The following ACOX3 variants were observed in gnomAD, a reference collection of about 807,000 sequenced individuals.
The protein encoded by ACOX3 is acyl-CoA oxidase 3, pristanoyl.
In ACOX3, 73 loss-of-function variants were observed where a neutral mutation model predicts 81.5. The observed-to-expected ratio is 0.90, with a 90% CI of 0.74 to 1.09. The LOEUF (loss-of-function observed/expected upper bound fraction) is 1.09. Ranked by LOEUF, ACOX3 falls within the 50% of genes least tolerant of loss-of-function variation. The pLI, the probability that ACOX3 is intolerant of heterozygous loss-of-function variation, is 0.00. For missense variants in ACOX3, 947 were observed against 928.0 expected (o/e 1.02, Z -0.27); for synonymous variants, 387 against 375.1 (o/e 1.03, Z -0.37).
chr4:8,417,040 C>T (rs1215011906), intron 1 of ACOX3, among the ~76,000 whole-genome samples: 2 of 152,272 alleles, frequency 1.3e-5, no homozygotes, highest in East Asian at 3.8e-4. Flanking sequence ...CAGCACAGAA[C>T]CTCTGATCAC....
rs574510015 is a variant in ACOX3 at position 8,386,544 on chromosome 4, C to T, written c.1537+2629G>A. 7.0e-5 allele frequency among the ~76,000 whole-genome samples: 10 copies of T among 142,894 alleles called. No homozygotes were observed. In the South Asian group the frequency reaches 8.8e-4, roughly 13 times the overall value. The allele number at this position is 142,894 out of a possible 152,430, so 93.7% of individuals were successfully genotyped here. Reference sequence around the variant, plus strand: ...TCATACCACTGCACTCCAGCCTGGGCGACAGAGCGAGACTCCGTCTCAAAA... The same window carrying T: ...TCATACCACTGCACTCCAGCCTGGGTGACAGAGCGAGACTCCGTCTCAAAA... On this transcript the variant is annotated intron_variant, in intron 13 of 17. Coordinates refer to ENST00000356406, the MANE Select transcript of ACOX3 (RefSeq NM_003501.3). This position sits in a 1 kb window ranked among gnomAD's most constrained non-coding sequence, Gnocchi z 5.2.
intron 1 of ACOX3, among the ~76,000 whole-genome samples, chr4:8,435,445 G>A (rs1724177202): frequency 6.6e-6 from 1 of 152,052 alleles, no homozygotes; most frequent in African/African-American, 2.4e-5. Flanking sequence ...GCAGTGAGTG[G>A]AGATTGTGCC....
Position 8,431,359 on chromosome 4 carries a change from C to T in ACOX3, c.-15+9289G>A, listed in dbSNP as rs111896869. Among the ~76,000 whole-genome samples, 6 of 152,338 alleles carry T rather than the reference C, an allele frequency of 3.9e-5. 1 individual carries two copies. Among genetic ancestry groups the T allele is most frequent in the African/African-American group, 1.4e-4 (6 of 41,578 alleles). The stretch of plus-strand genomic sequence containing the variant: ...TGACCGTGGCTTCACCTCGGGGCCA[C>T]CTTCTGGCATTTGCCTGCTCACGCT... On this transcript the variant is annotated intron_variant, in intron 1 of 17. Transcript: ENST00000356406. The surrounding 1 kb of genome is among the most constrained non-coding windows in gnomAD (Gnocchi z 5.3).
At chr4:8,415,485 C>T (rs1443472094) in intron 3 of ACOX3, among the ~76,000 whole-genome samples, 4 of 149,692 alleles carry the variant, frequency 2.7e-5, no homozygotes, top group Admixed American at 6.6e-5. Context: ...AACAGCTCCT[C>T]TTCTGATGGG....
In ACOX3 at chr4:8,400,076, G is replaced by T. The variant is rs987104387; in HGVS notation, c.777-424C>A. Among the ~76,000 whole-genome samples the T allele has an allele frequency of 6.6e-6, 1 of 152,104 alleles. No individual in the cohort carries two copies. The highest frequency in any genetic ancestry group is 2.1e-4 in the South Asian group (1 of 4,808). On this transcript the variant is annotated intron_variant, in intron 7 of 17. Transcript: ENST00000356406. The surrounding 1 kb of genome is among the most constrained non-coding windows in gnomAD (Gnocchi z 4.4). ...AGCCTGACCAATATGGTGAAACCCC[G>T]TCTCTACTAAAAATACAAAAAAAAA...
In ACOX3 at chr4:8,384,113, G is replaced by A. The variant is rs539319044; in HGVS notation, c.1538-2506C>T. Among the ~76,000 whole-genome samples, 11 of 152,316 alleles carry A rather than the reference G, an allele frequency of 7.2e-5. No homozygotes were observed. Among genetic ancestry groups the A allele is most frequent in the African/African-American group, 1.9e-4 (8 of 41,574 alleles). On this transcript the variant is annotated intron_variant, in intron 13 of 17. Coordinates refer to ENST00000356406, the MANE Select transcript of ACOX3 (RefSeq NM_003501.3). The surrounding 1 kb of genome is among the most constrained non-coding windows in gnomAD (Gnocchi z 5.3). ...GGCAGTTACCCGAGTTTTCCAATCTGTCTCTGCAACCAGAATTAATCCATG... is the reference window on the plus strand; with the variant it reads ...GGCAGTTACCCGAGTTTTCCAATCTATCTCTGCAACCAGAATTAATCCATG...
chr4:8,416,585 A>C lies in ACOX3; in HGVS notation c.-14-50T>G, dbSNP rs546359464. On this transcript the variant is annotated intron_variant, in intron 1 of 17. Coordinates refer to ENST00000356406, the MANE Select transcript of ACOX3 (RefSeq NM_003501.3). The surrounding 1 kb of genome is among the most constrained non-coding windows in gnomAD (Gnocchi z 4.2). The stretch of plus-strand genomic sequence containing the variant: ...CCATGCTCTCCCATCTATGGGTTCA[A>C]ACTACCCCCACCAACAGGAGAGCCC... 11 of 1,502,764 alleles carry C rather than the reference A, an allele frequency of 7.3e-6. No individual in the cohort carries two copies. In the African/African-American group the frequency reaches 1.5e-4, roughly 21 times the overall value. The allele number at this position is 1,502,764 out of a possible 1,614,324, so 93.1% of individuals were successfully genotyped here.
At chr4:8,393,502 C>CAAACAAAA (rs1272020952) in intron 10 of ACOX3, among the ~76,000 whole-genome samples, 1 of 149,872 alleles carries the variant, frequency 6.7e-6, no homozygotes, top group African/African-American at 2.5e-5. Context: ...AACAAACAAA[C>CAAACAAAA]AAACAAACAA....
chr4:8,390,002 C>G (rs1222498507), intron 11 of ACOX3, among the ~76,000 whole-genome samples: 2 of 151,648 alleles, frequency 1.3e-5, no homozygotes, highest in African/African-American at 4.9e-5. Context: ...ACTCGGGAGG[C>G]TGAGGCAGGA....
chr4:8,367,479 G>A (rs767183363), intron 17 of ACOX3, among the ~76,000 whole-genome samples: 9 of 151,438 alleles, frequency 5.9e-5, no homozygotes, highest in Non-Finnish European at 1.2e-4. Context: ...GCAAAACTCC[G>A]TCTCAAAACA....
chr4:8,436,167 A>C (rs1724226082), intron 1 of ACOX3: 1 of 152,180 alleles, frequency 6.6e-6, no homozygotes, highest in African/African-American at 2.4e-5. Flanking sequence ...TGTTCCCAGC[A>C]GCTAGAGCCC....
chr4:8,359,912 C>G, the ACOX3 span, among the ~76,000 whole-genome samples: 1 of 152,198 alleles, frequency 6.6e-6, no homozygotes, highest in African/African-American at 2.4e-5. This position sits in a 1 kb window ranked among gnomAD's most constrained non-coding sequence, Gnocchi z 6.0. Context: ...CCAACCAGGT[C>G]TGGTGTGCTT....
chr4:8,410,184 C>T (rs1453776805), intron 6 of ACOX3, 28 bp downstream of exon 6: 3 of 1,605,550 alleles, frequency 1.9e-6, no homozygotes, highest in South Asian at 1.1e-5. Context: ...AAACACTGCC[C>T]CCACTGAGGG....
Position 8,391,793 on chromosome 4 carries a change from A to G in ACOX3, c.1300+540T>C, listed in dbSNP as rs150661291. On this transcript the variant is annotated intron_variant, in intron 11 of 17. Coordinates refer to ENST00000356406, the MANE Select transcript of ACOX3 (RefSeq NM_003501.3). The stretch of plus-strand genomic sequence containing the variant: ...AGGCTGTTAGATGGAGCCAGGACTC[A>G]ATCCCAGGCAAGCTGGTGGCCTCCG... 1.6e-4 allele frequency among the ~76,000 whole-genome samples: 25 copies of G among 152,354 alleles called. No individual in the cohort carries two copies. The East Asian group carries it at 4.1e-3, about 25-fold the overall frequency.
Position 8,419,225 on chromosome 4 carries a change from G to A in ACOX3, c.-14-2690C>T, listed in dbSNP as rs1204999316. 6.6e-6 allele frequency among the ~76,000 whole-genome samples: 1 copy of A among 151,978 alleles called. No individual in the cohort carries two copies. Among genetic ancestry groups the A allele is most frequent in the Non-Finnish European group, 1.5e-5 (1 of 67,992 alleles). ...CCCAGACAGGTGGATCATGAGGTCA[G>A]GAATTCAAGACCAGCCTGGCCAACA... On this transcript the variant is annotated intron_variant, in intron 1 of 17. Transcript: ENST00000356406. The surrounding 1 kb of genome is among the most constrained non-coding windows in gnomAD (Gnocchi z 4.2).
chr4:8,416,151 A>T lies in ACOX3; in HGVS notation c.145-152T>A, dbSNP rs1020973736. On this transcript the variant is annotated intron_variant, in intron 2 of 17. Transcript: ENST00000356406. This position sits in a 1 kb window ranked among gnomAD's most constrained non-coding sequence, Gnocchi z 4.2. ...GAGATATGACTATCATTCCCAATGG[A>T]CTAGAGGACTGGAGGCTTAAGAAAC... 4.1e-6 allele frequency: 4 copies of T among 981,896 alleles called. No homozygotes were observed. The African/African-American group carries it at 6.5e-5, about 16-fold the overall frequency. 60.8% of individuals were successfully genotyped at this position (981,896 alleles called of 1,614,324 possible).
chr4:8,414,207 T>C lies in ACOX3; in HGVS notation c.543+85A>G. ...ACAGGCCTCTTGCTTTAATGTTTTTTTTTTCTTATTCTGGGCAACGGCATT... is the reference window on the plus strand; with the variant it reads ...ACAGGCCTCTTGCTTTAATGTTTTTCTTTTCTTATTCTGGGCAACGGCATT... On this transcript the variant is annotated intron_variant, in intron 5 of 17. Transcript: ENST00000356406. The surrounding 1 kb of genome is among the most constrained non-coding windows in gnomAD (Gnocchi z 6.1). 1 of 1,168,328 alleles carries C rather than the reference T, an allele frequency of 8.6e-7. No individual in the cohort carries two copies. The highest frequency in any genetic ancestry group is 1.3e-6 in the Non-Finnish European group (1 of 789,584). The allele number at this position is 1,168,328 out of a possible 1,614,324, so 72.4% of individuals were successfully genotyped here.
intron 7 of ACOX3, among the ~76,000 whole-genome samples, chr4:8,402,174 C>T (rs1000228528): frequency 6.6e-6 from 1 of 152,238 alleles, no homozygotes; most frequent in Non-Finnish European, 1.5e-5. Flanking sequence ...TTCCACACTA[C>T]CAGGAGGAGC....
At chr4:8,378,408 C>T (rs897938689) in intron 14 of ACOX3, among the ~76,000 whole-genome samples, 10 of 152,334 alleles carry the variant, frequency 6.6e-5, no homozygotes, top group Admixed American at 2.0e-4. Context: ...GAACAAATGT[C>T]CTCGTCCTTG....
Sources: gnomAD v4.1 joint callset for allele counts (sites outside exome capture counted in the v4.1 genomes callset) on GRCh38, gnomAD v4.1.1 for gene constraint, Gnocchi (gnomAD v3.1) non-coding constraint, MANE v1.5 for transcripts, NCBI Gene and HGNC (gene_info 2026-07-23, HGNC 2026-07-21) for gene names.